The following SBF2 variants were observed in gnomAD, a reference collection of about 807,000 sequenced individuals.
The protein encoded by SBF2 is myotubularin-related protein 13.
In SBF2, 112 loss-of-function variants were observed where a neutral mutation model predicts 225.2. The ratio of observed to expected loss-of-function variants is 0.50; its 90% CI spans 0.43 to 0.58. The LOEUF (loss-of-function observed/expected upper bound fraction) is 0.58, where lower values mean the gene tolerates loss of function less well. Ranked by LOEUF, SBF2 falls within the 20% of genes least tolerant of loss-of-function variation. The pLI, the probability that SBF2 is intolerant of heterozygous loss-of-function variation, is 0.00. For synonymous variants in SBF2, 763 were observed against 773.3 expected (o/e 0.99, Z 0.22); for missense variants, 1,996 against 2,206.2 (o/e 0.90, Z 1.91).
chr11:10,295,398 A>G (rs1964469811), upstream of SBF2, among the ~76,000 whole-genome samples: 1 of 152,180 alleles, frequency 6.6e-6, no homozygotes, highest in Non-Finnish European at 1.5e-5. Flanking sequence ...CTCTGCTGTA[A>G]TTTACTATTT....
At chr11:9,880,084 T>TAAAAAAAAAAA (rs58140393) in intron 17 of SBF2, among the ~76,000 whole-genome samples, 2 of 52,006 alleles carry the variant, frequency 3.8e-5, no homozygotes, top group African/African-American at 1.5e-4. Flanking sequence ...CTCTGTCTCA[T>TAAAAAAAAAAA]AAAAAAAAAA....
chr11:10,084,788 G>T (rs1183953304), intron 2 of SBF2, among the ~76,000 whole-genome samples: 1 of 152,160 alleles, frequency 6.6e-6, no homozygotes, highest in Non-Finnish European at 1.5e-5. Context: ...ACAGCAACAT[G>T]GATGGAACTG....
intron 1 of SBF2, among the ~76,000 whole-genome samples, chr11:10,272,590 G>A (rs531932545): frequency 7.2e-5 from 11 of 152,170 alleles, no homozygotes; most frequent in East Asian, 1.9e-4. Flanking sequence ...AGGGCAACAC[G>A]GCAAAACCCC....
chr11:10,022,644 C>T (rs1289984893), intron 6 of SBF2, among the ~76,000 whole-genome samples: 1 of 151,732 alleles, frequency 6.6e-6, no homozygotes, highest in Non-Finnish European at 1.5e-5. Flanking sequence ...AGTAACCATG[C>T]TTTTATTTAA....
At chr11:10,064,148 T>C (rs1191881931) in intron 2 of SBF2, among the ~76,000 whole-genome samples, 2 of 152,102 alleles carry the variant, frequency 1.3e-5, no homozygotes, top group Middle Eastern at 6.3e-3. Context: ...ATGGGGTTTA[T>C]AGCATATATA....
intron 23 of SBF2, among the ~76,000 whole-genome samples, chr11:9,846,560 T>C (rs1856562548): frequency 6.6e-6 from 1 of 152,244 alleles, no homozygotes; most frequent in Admixed American, 6.5e-5. Context: ...AATAGAACTT[T>C]AGCCCTAGCT....
intron 1 of SBF2, among the ~76,000 whole-genome samples, chr11:10,202,782 C>T (rs772348977): frequency 2.6e-5 from 4 of 151,950 alleles, no homozygotes; most frequent in African/African-American, 7.2e-5. Context: ...AGCGAGACTC[C>T]GTCTCAAAAA....
At chr11:9,797,481 A>G (rs780596663) in intron 32 of SBF2, among the ~76,000 whole-genome samples, 1 of 152,204 alleles carries the variant, frequency 6.6e-6, no homozygotes, top group African/African-American at 2.4e-5. Flanking sequence ...ATGTGAGCCA[A>G]TGCCTTCCTG....
chr11:9,793,114 G>A (rs1365071850), intron 33 of SBF2, among the ~76,000 whole-genome samples: 1 of 151,914 alleles, frequency 6.6e-6, no homozygotes, highest in Non-Finnish European at 1.5e-5. Flanking sequence ...ATGTTTCATA[G>A]GATGGAAATG....
chr11:10,071,003 C>A (rs1210437106), intron 2 of SBF2, among the ~76,000 whole-genome samples: 1 of 152,050 alleles, frequency 6.6e-6, no homozygotes, highest in Non-Finnish European at 1.5e-5. Context: ...TTTTTGCACA[C>A]TGATTTTGTT....
At chr11:10,073,505 G>A (rs535010248) in intron 2 of SBF2, among the ~76,000 whole-genome samples, 137 of 152,258 alleles carry the variant, frequency 9.0e-4, no homozygotes, top group African/African-American at 3.1e-3. Context: ...TTGAGGTCAG[G>A]AGTTTGAGAC....
intron 1 of SBF2, among the ~76,000 whole-genome samples, chr11:10,275,193 G>C (rs989024627): frequency 6.6e-6 from 1 of 151,810 alleles, no homozygotes; most frequent in Non-Finnish European, 1.5e-5. Context: ...AAAAGAGAGA[G>C]AAGAGAAAAA....
chr11:10,255,832 G>A (rs1295414959), intron 1 of SBF2, among the ~76,000 whole-genome samples: 1 of 152,156 alleles, frequency 6.6e-6, no homozygotes, highest in Non-Finnish European at 1.5e-5. Flanking sequence ...GAATGGCAAA[G>A]ATATAAAACC....
chr11:9,882,693 G>C (rs1326965327), intron 17 of SBF2, among the ~76,000 whole-genome samples: 1 of 149,470 alleles, frequency 6.7e-6, no homozygotes, highest in Non-Finnish European at 1.5e-5. Flanking sequence ...TGTAATCCCA[G>C]CTACTTGGGA....
chr11:9,984,584 C>G (rs986882116), intron 13 of SBF2, among the ~76,000 whole-genome samples: 14 of 152,120 alleles, frequency 9.2e-5, no homozygotes, highest in African/African-American at 3.4e-4. Context: ...CAAAGAACAC[C>G]TGGAAATTCA....
chr11:10,063,928 A>G (rs1950544351), intron 2 of SBF2, among the ~76,000 whole-genome samples: 2 of 151,932 alleles, frequency 1.3e-5, no homozygotes, highest in South Asian at 4.2e-4. Context: ...CAAGTGGCCT[A>G]AAATATAAGT....
intron 3 of SBF2, among the ~76,000 whole-genome samples, chr11:10,034,144 G>A (rs1316353382): frequency 6.6e-6 from 1 of 152,052 alleles, no homozygotes; most frequent in Non-Finnish European, 1.5e-5. Flanking sequence ...CTTAAACACT[G>A]TTTACTAAAT....
At chr11:9,993,898 A>C (rs1452078495) in intron 10 of SBF2, 23 bp downstream of exon 10, 4 of 1,455,972 alleles carry the variant, frequency 2.7e-6, no homozygotes, top group Non-Finnish European at 3.9e-6. Flanking sequence ...AACAGCATTA[A>C]ATTTAAATAT....
intron 2 of SBF2, among the ~76,000 whole-genome samples, chr11:10,113,650 G>C (rs764581730): frequency 8.6e-5 from 13 of 151,994 alleles, no homozygotes; most frequent in Non-Finnish European, 7.4e-5. Flanking sequence ...TTTTTAGTGG[G>C]AAAGTGAAAC....
Sources: allele counts gnomAD v4.1 joint callset (sites outside exome capture counted in the v4.1 genomes callset), GRCh38; gene constraint gnomAD v4.1.1; transcripts MANE v1.5; gene names NCBI Gene and HGNC (gene_info 2026-07-23, HGNC 2026-07-21).